INTS4: variants seen among roughly 807,000 people sequenced by gnomAD.
INTS4 encodes integrator complex subunit 4, also known as MSTP093.
In INTS4, 70 loss-of-function variants were observed where a neutral mutation model predicts 119.5. The observed-to-expected ratio is 0.59, with a 90% CI of 0.48 to 0.71. The LOEUF (loss-of-function observed/expected upper bound fraction) is 0.71, where lower values mean the gene tolerates loss of function less well. INTS4 is among the 30% of genes least tolerant of loss of function. The pLI is 0.00. For synonymous variants in INTS4, 316 were observed against 419.6 expected (o/e 0.75, Z 3.02); for missense variants, 867 against 1,173.2 (o/e 0.74, Z 3.81).
chr11:77,928,203 T>C (rs893020583), intron 11 of INTS4, 139 bp downstream of exon 11: 103 of 800,032 alleles, frequency 1.3e-4, no homozygotes, highest in South Asian at 5.9e-4. Flanking sequence ...ATTTCTTCCA[T>C]CTTAGGGAAG....
At chr11:77,881,647 A>G (rs747693886) in intron 22 of INTS4, among the ~76,000 whole-genome samples, 1 of 152,196 alleles carries the variant, frequency 6.6e-6, no homozygotes, top group East Asian at 1.9e-4. Flanking sequence ...CTTGTATTCA[A>G]TTTTCATTAT....
downstream of INTS4, among the ~76,000 whole-genome samples, chr11:77,877,316 A>G (rs1190812890): frequency 6.6e-6 from 1 of 152,222 alleles, no homozygotes; most frequent in Non-Finnish European, 1.5e-5. Flanking sequence ...CCTTAAACCA[A>G]AAGTTAAAAC....
chr11:77,945,763 G>A (rs1565263390), intron 8 of INTS4, among the ~76,000 whole-genome samples: 2 of 152,146 alleles, frequency 1.3e-5, no homozygotes, highest in East Asian at 1.9e-4. Flanking sequence ...ACCTGCCCAC[G>A]CCCTGCCTGA....
chr11:77,985,029 C>G (rs1856400715), intron 2 of INTS4, among the ~76,000 whole-genome samples: 5 of 151,990 alleles, frequency 3.3e-5, no homozygotes. Flanking sequence ...ACTCCTTCTA[C>G]TATGACACAT....
intron 12 of INTS4, 196 bp from the exon 13 acceptor site, chr11:77,922,667 A>G: frequency 3.7e-6 from 3 of 815,298 alleles, no homozygotes; most frequent in Non-Finnish European, 5.7e-6. Flanking sequence ...ACTGGTTATT[A>G]TAAAGATAAA....
At chr11:77,972,529 G>T (rs1855773371) in intron 4 of INTS4, among the ~76,000 whole-genome samples, 1 of 151,748 alleles carries the variant, frequency 6.6e-6, no homozygotes, top group Admixed American at 6.6e-5. Context: ...CGATTTTCCT[G>T]CCTCAGCCTC....
At chr11:77,952,709 T>C (rs1263981601) in intron 8 of INTS4, among the ~76,000 whole-genome samples, 1 of 152,218 alleles carries the variant, frequency 6.6e-6, no homozygotes, top group Admixed American at 6.5e-5. Flanking sequence ...GTTAGAGTCA[T>C]TCAAGTAGAA....
At chr11:77,967,900 T>C (rs1317338193) in intron 4 of INTS4, among the ~76,000 whole-genome samples, 1 of 152,192 alleles carries the variant, frequency 6.6e-6, no homozygotes, top group African/African-American at 2.4e-5. Context: ...CAAGGATACA[T>C]TCTGAGAAAT....
chr11:77,912,363 A>G (rs866825769), intron 15 of INTS4, among the ~76,000 whole-genome samples: 13 of 134,942 alleles, frequency 9.6e-5, no homozygotes, highest in African/African-American at 3.7e-4. Context: ...CTCCATCTCC[A>G]AAAAAAAAAA....
chr11:77,978,116 T>A (rs1856025214), intron 4 of INTS4: 1 of 152,098 alleles, frequency 6.6e-6, no homozygotes, highest in South Asian at 2.1e-4. Flanking sequence ...GGTTTCAAAC[T>A]CCTGATGTCA....
chr11:77,934,332 T>G (rs1428732286), intron 10 of INTS4, among the ~76,000 whole-genome samples: 1 of 151,256 alleles, frequency 6.6e-6, no homozygotes, highest in Admixed American at 6.6e-5. Context: ...CCCTCCACTA[T>G]TGTCCTATGA....
intron 21 of INTS4, among the ~76,000 whole-genome samples, chr11:77,890,564 G>C (rs1952218492): frequency 6.6e-6 from 1 of 152,060 alleles, no homozygotes; most frequent in Admixed American, 6.6e-5. Context: ...AGACAGTCTA[G>C]GAGATGACCC....
chr11:77,909,166 C>T (rs186327694), intron 15 of INTS4, among the ~76,000 whole-genome samples: 58 of 152,302 alleles, frequency 3.8e-4, no homozygotes, highest in African/African-American at 1.3e-3. Context: ...AAGGGAAAAA[C>T]CCTTAAGATA....
rs1231316048 is a variant in INTS4 at position 77,894,335 on chromosome 11, A to G, written c.2243T>C (p.Phe748Ser). Residue 748 changes from phenylalanine to serine, a missense_variant, in exon 19 of 23, where the codon TTT becomes TCT. By Grantham distance (155) the Phe-to-Ser change is radical (BLOSUM62 -2). Transcript: ENST00000534064. ...ARTTRGLDPL[F>S]GMCEKFLQEV... ...CTGTAAAAATTTTTCACACATCCCA[A>G]ATAAGGGGTCAAGTCTGTAGAAAAG... is the stretch of plus-strand genomic sequence containing the variant. 3.8e-6 allele frequency: 6 copies of G among 1,562,472 alleles called. No individual in the cohort carries two copies. The African/African-American group carries it at 4.1e-5, about 11-fold the overall frequency.
intron 2 of INTS4, among the ~76,000 whole-genome samples, chr11:77,986,541 T>C (rs1181760353): frequency 6.6e-6 from 1 of 152,192 alleles, no homozygotes; most frequent in Non-Finnish European, 1.5e-5. Flanking sequence ...TGTGCACGTA[T>C]GTTTATTGCG....
intron 19 of INTS4, 115 bp downstream of exon 19, chr11:77,894,175 C>T: frequency 1.7e-6 from 1 of 599,936 alleles, no homozygotes; most frequent in South Asian, 2.1e-5. Flanking sequence ...CAGATGATAG[C>T]TTGGCTGCAC....
chr11:77,975,679 C>T (rs1270951481), intron 4 of INTS4, among the ~76,000 whole-genome samples: 4 of 151,980 alleles, frequency 2.6e-5, no homozygotes, highest in South Asian at 4.1e-4. Context: ...CTCTACAGGC[C>T]GGGTGCAGTG....
intron 4 of INTS4, among the ~76,000 whole-genome samples, chr11:77,977,674 A>G (rs1251367920): frequency 6.6e-6 from 1 of 150,670 alleles, no homozygotes; most frequent in Non-Finnish European, 1.5e-5. Context: ...TTATTATAAT[A>G]AAAAATATAT....
At chr11:77,905,330 A>T (rs1323825453) in intron 16 of INTS4, among the ~76,000 whole-genome samples, 1 of 151,972 alleles carries the variant, frequency 6.6e-6, no homozygotes, top group Non-Finnish European at 1.5e-5. Flanking sequence ...GGTGGTGCAC[A>T]CCTGTAATCC....
Sources: allele counts gnomAD v4.1 joint callset (sites outside exome capture counted in the v4.1 genomes callset), GRCh38; gene constraint gnomAD v4.1.1; transcripts MANE v1.5; gene names NCBI Gene and HGNC (gene_info 2026-07-23, HGNC 2026-07-21).